STAG1: variants seen among roughly 807,000 people sequenced by gnomAD.
STAG1 encodes cohesin subunit SA-1.
STAG1 carries 26 observed loss-of-function variants against 170.9 expected under a neutral mutation model. That is an observed-to-expected ratio of 0.15 (90% confidence interval 0.11 to 0.21). The LOEUF is 0.21. Ranked by LOEUF, STAG1 falls within the 10% of genes least tolerant of loss-of-function variation. STAG1 has a pLI of 1.00. For synonymous variants in STAG1, 514 were observed against 497.7 expected, an observed-to-expected ratio of 1.03 and a Z score of -0.44; for missense variants, 964 against 1,509.5, an observed-to-expected ratio of 0.64 and a Z score of 5.99.
chr3:136,736,449 G>A (rs1934338604), intron 1 of STAG1: 18 of 1,234,398 alleles, frequency 1.5e-5, no homozygotes, highest in East Asian at 7.0e-5. Context: ...GAAGCAGGAA[G>A]GGAGATAGCA....
intron 14 of STAG1, among the ~76,000 whole-genome samples, chr3:136,447,055 C>T (rs932003471): frequency 4.6e-5 from 7 of 151,834 alleles, no homozygotes; most frequent in Non-Finnish European, 8.8e-5. Flanking sequence ...CCACCCGCCT[C>T]GGCCTCCCAA....
chr3:136,683,632 T>A (rs1045967315), intron 1 of STAG1, among the ~76,000 whole-genome samples: 9 of 152,020 alleles, frequency 5.9e-5, no homozygotes, highest in African/African-American at 1.7e-4. Context: ...ACTTTCCTAC[T>A]AAGATAAGCA....
intron 1 of STAG1, among the ~76,000 whole-genome samples, chr3:136,714,488 G>A (rs530412569): frequency 6.6e-6 from 1 of 152,140 alleles, no homozygotes; most frequent in Non-Finnish European, 1.5e-5. Flanking sequence ...CAGCGCTTTG[G>A]GAGGCCGAGG....
Position 136,369,276 on chromosome 3 carries a change from T to G in STAG1, c.2377A>C (p.Met793Leu). 6.3e-7 allele frequency: 1 copy of G among 1,584,146 alleles called. No homozygotes were observed. The highest frequency in any genetic ancestry group is 2.3e-5 in the East Asian group (1 of 43,408). Residue 793 changes from methionine to leucine, a missense_variant, in exon 24 of 34, where the codon ATG becomes CTG. This residue lies in a region of STAG1 where 232 missense variants were observed against 313.0 expected (regional missense o/e 0.74). Transcript: ENST00000383202. ...VNTPVKEQAF[M>L]LLCDLLMIFS... is the part of the protein sequence containing the mutation. ...ATCATCAGAAGATCACAGAGTAACA[T>G]GAAAGCCTGGAATACAAAGGCAATT...
intron 19 of STAG1, among the ~76,000 whole-genome samples, 169 bp downstream of exon 19, chr3:136,422,241 C>T (rs1310967939): frequency 6.6e-6 from 1 of 151,294 alleles, no homozygotes; most frequent in Non-Finnish European, 1.5e-5. Flanking sequence ...AAGGCATAAC[C>T]AAGGCTGATC....
chr3:136,466,045 A>C (rs530946271), intron 12 of STAG1, among the ~76,000 whole-genome samples: 42 of 152,330 alleles, frequency 2.8e-4, no homozygotes, highest in African/African-American at 9.9e-4. Context: ...AAAACCACAA[A>C]GATGGGGAAA....
chr3:136,691,090 G>A (rs1010940057), intron 1 of STAG1, among the ~76,000 whole-genome samples: 7 of 151,778 alleles, frequency 4.6e-5, no homozygotes, highest in Non-Finnish European at 8.8e-5. Context: ...TTGAGCCCAG[G>A]AGTTCGAGAC....
At chr3:136,617,503 G>C (rs1038779001) in intron 3 of STAG1, among the ~76,000 whole-genome samples, 3 of 152,192 alleles carry the variant, frequency 2.0e-5, no homozygotes, top group South Asian at 4.1e-4. Flanking sequence ...TACAGATAAG[G>C]AGCTATACTG....
intron 12 of STAG1, among the ~76,000 whole-genome samples, chr3:136,465,332 G>C (rs1471733126): frequency 6.8e-6 from 1 of 147,840 alleles, no homozygotes; most frequent in Non-Finnish European, 1.5e-5. Flanking sequence ...TGATTCTCCT[G>C]CCTCAGCCTC....
chr3:136,363,991 C>G (rs1218255971), intron 25 of STAG1, among the ~76,000 whole-genome samples: 1 of 152,112 alleles, frequency 6.6e-6, no homozygotes, highest in Non-Finnish European at 1.5e-5. Context: ...AACTCCTGAC[C>G]TCAAGTGAGC....
At chr3:136,507,814 A>G (rs1235014158) in intron 7 of STAG1, among the ~76,000 whole-genome samples, 3 of 152,188 alleles carry the variant, frequency 2.0e-5, no homozygotes, top group Non-Finnish European at 2.9e-5. Flanking sequence ...GAGTGTCAAG[A>G]TAACTCGATA....
intron 13 of STAG1, among the ~76,000 whole-genome samples, chr3:136,459,615 G>A (rs1417858558): frequency 6.6e-6 from 1 of 152,068 alleles, no homozygotes; most frequent in Non-Finnish European, 1.5e-5. Context: ...CAGGCTACAA[G>A]GTCACAAAAG....
At chr3:136,411,845 C>G (rs2087632224) in intron 21 of STAG1, among the ~76,000 whole-genome samples, 1 of 151,768 alleles carries the variant, frequency 6.6e-6, no homozygotes, top group Non-Finnish European at 1.5e-5. Flanking sequence ...ACTTGGGAGG[C>G]TGAGGCAGAG....
chr3:136,478,072 G>A (rs1465049845), intron 9 of STAG1, among the ~76,000 whole-genome samples: 3 of 152,144 alleles, frequency 2.0e-5, no homozygotes, highest in Non-Finnish European at 4.4e-5. Context: ...TTACACGCGT[G>A]AGCCACTGTG....
chr3:136,640,496 G>A (rs1940751162), intron 1 of STAG1, among the ~76,000 whole-genome samples: 1 of 151,700 alleles, frequency 6.6e-6, no homozygotes, highest in Admixed American at 6.6e-5. Context: ...AGCCTCCTGA[G>A]TAGTTGGGAT....
chr3:136,422,330 G>T, intron 19 of STAG1, 80 bp downstream of exon 19: 1 of 1,325,790 alleles, frequency 7.5e-7, no homozygotes, highest in Non-Finnish European at 1.1e-6. Context: ...ATTTTAAAAT[G>T]AAAATGATTT....
At chr3:136,546,266 C>G (rs1249568214) in intron 5 of STAG1, among the ~76,000 whole-genome samples, 1 of 152,158 alleles carries the variant, frequency 6.6e-6, no homozygotes, top group Non-Finnish European at 1.5e-5. Context: ...CTGTCTGCCA[C>G]CTCAGTTCTA....
intron 4 of STAG1, among the ~76,000 whole-genome samples, chr3:136,590,275 G>C (rs1938091277): frequency 6.6e-6 from 1 of 151,974 alleles, no homozygotes. Context: ...ACGAGGTCAG[G>C]AGTTCGAGAC....
chr3:136,484,374 C>T (rs952533997), intron 9 of STAG1, among the ~76,000 whole-genome samples: 1 of 147,122 alleles, frequency 6.8e-6, no homozygotes, highest in African/African-American at 2.5e-5. Flanking sequence ...TGGGGTGTCT[C>T]CCAGTTAGGC....
Sources: gnomAD v4.1 joint callset for allele counts (sites outside exome capture counted in the v4.1 genomes callset) on GRCh38, gnomAD v4.1.1 for gene constraint, gnomAD v4.1.1 regional missense constraint, MANE v1.5 for transcripts, NCBI Gene and HGNC (gene_info 2026-07-23, HGNC 2026-07-21) for gene names.